Variants in TAX1BP1 observed in about 807,000 individuals in gnomAD.
TAX1BP1 encodes tax1-binding protein 1.
Under a neutral mutation model 97.7 loss-of-function variants are expected in TAX1BP1, and 62 were observed. That is an observed-to-expected ratio of 0.63 (90% CI 0.52 to 0.78). TAX1BP1 has a LOEUF of 0.78. TAX1BP1 is among the 30% of genes least tolerant of loss of function. TAX1BP1 has a pLI of 0.00. For synonymous variants in TAX1BP1, 340 were observed against 304.2 expected (o/e 1.12, Z -1.23); for missense variants, 867 against 916.1 (o/e 0.95, Z 0.69).
intron 15 of TAX1BP1, among the ~76,000 whole-genome samples, 158 bp from the exon 16 acceptor site, chr7:27,827,580 T>C (rs1562750543): frequency 6.6e-6 from 1 of 152,220 alleles, no homozygotes; most frequent in Non-Finnish European, 1.5e-5. Flanking sequence ...CTGCAAAGTT[T>C]CAAACATGTT....
chr7:27,792,276 C>A, intron 9 of TAX1BP1, 46 bp downstream of exon 9: 2 of 1,484,266 alleles, frequency 1.3e-6, no homozygotes, highest in Non-Finnish European at 9.2e-7. Flanking sequence ...TAAGAAACCA[C>A]TATAATCTCA....
At chr7:27,782,364 C>T (rs1789293785) in intron 5 of TAX1BP1, among the ~76,000 whole-genome samples, 1 of 151,998 alleles carries the variant, frequency 6.6e-6, no homozygotes, top group African/African-American at 2.4e-5. Context: ...AGTAGCCTCT[C>T]AAGTAGCTGG....
intron 5 of TAX1BP1, among the ~76,000 whole-genome samples, chr7:27,771,485 A>G (rs1341027310): frequency 1.3e-5 from 2 of 151,866 alleles, no homozygotes; most frequent in Admixed American, 6.6e-5. Context: ...ACATATATAT[A>G]TACACACACA....
chr7:27,782,375 G>A (rs933893055), intron 5 of TAX1BP1, among the ~76,000 whole-genome samples: 7 of 152,050 alleles, frequency 4.6e-5, no homozygotes, highest in Non-Finnish European at 8.8e-5. Context: ...AAGTAGCTGG[G>A]ACTACAGGCA....
intron 5 of TAX1BP1, among the ~76,000 whole-genome samples, chr7:27,782,535 CTG>C (rs1478263896): frequency 9.9e-5 from 15 of 152,128 alleles, no homozygotes; most frequent in African/African-American, 3.6e-4. Context: ...CAGATGTGAG[CTG>C]CCACACCGGC....
intron 4 of TAX1BP1, 35 bp from the exon 5 acceptor site, chr7:27,769,640 CA>C (rs1788769997): frequency 6.5e-7 from 1 of 1,529,274 alleles, no homozygotes; most frequent in Non-Finnish European, 8.8e-7. Context: ...TAGGATTAAG[CA>C]AAAAACTAAT....
At chr7:27,768,554 A>G (rs1330923944) in intron 4 of TAX1BP1, among the ~76,000 whole-genome samples, 9 of 151,844 alleles carry the variant, frequency 5.9e-5, no homozygotes, top group Non-Finnish European at 1.2e-4. Flanking sequence ...AAGTTGCCAG[A>G]GTTTTGAGCC....
chr7:27,789,487 A>G (rs1002623609), intron 8 of TAX1BP1, among the ~76,000 whole-genome samples: 1 of 151,892 alleles, frequency 6.6e-6, no homozygotes, highest in African/African-American at 2.4e-5. Context: ...TTTTTGTAAA[A>G]ATAAGCTTAT....
intron 14 of TAX1BP1, 77 bp from the exon 15 acceptor site, chr7:27,816,813 T>G: frequency 6.6e-7 from 1 of 1,525,728 alleles, no homozygotes; most frequent in Non-Finnish European, 8.9e-7. Context: ...CTTTATATCC[T>G]GTTCATCATA....
At position 27,742,259 on chromosome 7, in the gene TAX1BP1, G is replaced by A. The variant is rs191066829; in HGVS notation, c.-8+1990G>A. Among the ~76,000 whole-genome samples the A allele has an allele frequency of 5.7e-3, 871 of 152,284 alleles. 6 individuals are homozygous for A. Among genetic ancestry groups the A allele is most frequent in the Middle Eastern group, 0.02 (6 of 294 alleles). On this transcript the variant is annotated intron_variant, in intron 1 of 16. Coordinates refer to ENST00000396319, the MANE Select transcript of TAX1BP1 (RefSeq NM_006024.7). ...TCCCTTCCCACGAGGCCATATTTCA[G>A]ACTATCACATGGGGAGAAACCTTGG...
intron 2 of TAX1BP1, 49 bp downstream of exon 2, chr7:27,748,735 C>G (rs73078762): frequency 7.2e-7 from 1 of 1,383,692 alleles, no homozygotes. Context: ...TTAAAATTTT[C>G]TTTTAAAACA....
chr7:27,746,737 T>C (rs191465852), intron 1 of TAX1BP1, among the ~76,000 whole-genome samples: 1 of 152,222 alleles, frequency 6.6e-6, no homozygotes, highest in East Asian at 1.9e-4. Context: ...TTGGAATGCT[T>C]GCAAACCTCA....
intron 13 of TAX1BP1, among the ~76,000 whole-genome samples, chr7:27,808,571 CA>C (rs1790432411): frequency 6.6e-6 from 1 of 152,108 alleles, no homozygotes; most frequent in Admixed American, 6.6e-5. Flanking sequence ...AGAACATTCC[CA>C]TGATGGCAGA....
At chr7:27,745,447 A>G (rs1787782925) in intron 1 of TAX1BP1, among the ~76,000 whole-genome samples, 1 of 152,222 alleles carries the variant, frequency 6.6e-6, no homozygotes, top group Non-Finnish European at 1.5e-5. Flanking sequence ...TAATGACATA[A>G]TTATATTTGA....
rs1782602786 is a variant in TAX1BP1 at position 27,829,188 on chromosome 7, C to T, written c.*359C>T. 3.0e-5 allele frequency: 5 copies of T among 168,222 alleles called. No homozygotes were observed. Among genetic ancestry groups the T allele is most frequent in the Non-Finnish European group, 6.3e-5 (5 of 79,098 alleles). The allele number at this position is 168,222 out of a possible 1,614,324, so 10.4% of individuals were successfully genotyped here. A position where few individuals can be genotyped will look rare whatever the true frequency, so the allele number is the denominator to read the frequency against. On this transcript the variant is annotated 3_prime_UTR_variant, in exon 17 of 17. Transcript: ENST00000396319. Reference sequence around the variant, plus strand: ...GTGCTAGATTATTTAGCAGAATATTCACAAGTTTCTGTTGACCTTGTTGAT... The same window carrying T: ...GTGCTAGATTATTTAGCAGAATATTTACAAGTTTCTGTTGACCTTGTTGAT...
chr7:27,774,634 A>G (rs1788960290), intron 5 of TAX1BP1, among the ~76,000 whole-genome samples: 1 of 152,080 alleles, frequency 6.6e-6, no homozygotes, highest in African/African-American at 2.4e-5. Flanking sequence ...AATGATTTAA[A>G]AAAACATATA....
chr7:27,790,668 T>C (rs1789670073), intron 8 of TAX1BP1, among the ~76,000 whole-genome samples: 1 of 152,110 alleles, frequency 6.6e-6, no homozygotes, highest in African/African-American at 2.4e-5. Flanking sequence ...CCTATGTCTA[T>C]ACCCTTTGAT....
At chr7:27,778,688 C>A (rs1445481211) in intron 5 of TAX1BP1, among the ~76,000 whole-genome samples, 2 of 151,960 alleles carry the variant, frequency 1.3e-5, no homozygotes, top group African/African-American at 4.8e-5. Context: ...CATGGTGAAA[C>A]CTCGTCTCTA....
intron 13 of TAX1BP1, among the ~76,000 whole-genome samples, chr7:27,809,770 A>G (rs369561978): frequency 5.4e-4 from 83 of 152,300 alleles, no homozygotes; most frequent in Middle Eastern, 3.4e-3. Flanking sequence ...GACTGTACCA[A>G]TGCAGCCTAA....
Sources: allele counts gnomAD v4.1 joint callset (sites outside exome capture counted in the v4.1 genomes callset), GRCh38; gene constraint gnomAD v4.1.1; transcripts MANE v1.5; gene names NCBI Gene and HGNC (gene_info 2026-07-23, HGNC 2026-07-21).